FGF14: variants seen among roughly 807,000 people sequenced by gnomAD.
FGF14 encodes the protein fibroblast growth factor 14.
A neutral mutation model predicts 25.5 loss-of-function variants in FGF14; 5 were observed. The ratio of observed to expected loss-of-function variants is 0.20; its 90% CI spans 0.10 to 0.41. The LOEUF (loss-of-function observed/expected upper bound fraction) is 0.41, where lower values mean the gene tolerates loss of function less well. Among genes scored for constraint, FGF14 ranks in the 10% least tolerant of loss-of-function variants. FGF14 has a pLI of 1.00. For synonymous variants in FGF14, 138 were observed against 118.3 expected, an observed-to-expected ratio of 1.17 and a Z score of -1.08; for missense variants, 222 against 320.1, an observed-to-expected ratio of 0.69 and a Z score of 2.34.
At chr13:101,757,167 G>A (rs1005378074) in intron 3 of FGF14, among the ~76,000 whole-genome samples, 2 of 152,140 alleles carry the variant, frequency 1.3e-5, no homozygotes, top group African/African-American at 4.8e-5. Flanking sequence ...TAATTACTAT[G>A]TGAACATTTG....
At chr13:102,147,674 C>T (rs1309876238) in intron 1 of FGF14, among the ~76,000 whole-genome samples, 3 of 152,128 alleles carry the variant, frequency 2.0e-5, no homozygotes, top group Non-Finnish European at 4.4e-5. Context: ...TATTTCAGCA[C>T]AGAAGCCCAG....
At chr13:102,323,893 T>C (rs1278482279) in intron 1 of FGF14, among the ~76,000 whole-genome samples, 1 of 151,808 alleles carries the variant, frequency 6.6e-6, no homozygotes, top group East Asian at 1.9e-4. Flanking sequence ...CATTAAGCCT[T>C]CAAACCACTG....
intron 1 of FGF14, among the ~76,000 whole-genome samples, chr13:101,940,382 G>A: frequency 6.6e-6 from 1 of 152,220 alleles, no homozygotes; most frequent in South Asian, 2.1e-4. Context: ...AGTGGGAGAT[G>A]AATGAGAAAA....
At chr13:102,085,969 A>T (rs2043875752) in intron 1 of FGF14, among the ~76,000 whole-genome samples, 1 of 152,182 alleles carries the variant, frequency 6.6e-6, no homozygotes, top group South Asian at 2.1e-4. Flanking sequence ...TAGCTGTATT[A>T]AATTGTAGCT....
intron 1 of FGF14, among the ~76,000 whole-genome samples, chr13:102,266,528 G>A (rs1348002605): frequency 6.6e-6 from 1 of 152,022 alleles, no homozygotes; most frequent in Non-Finnish European, 1.5e-5. Flanking sequence ...AAGAAGCAAA[G>A]ATCAGATAAA....
chr13:102,388,291 T>C (rs2058352765), intron 1 of FGF14, among the ~76,000 whole-genome samples: 1 of 152,170 alleles, frequency 6.6e-6, no homozygotes, highest in East Asian at 1.9e-4. Flanking sequence ...TGACTCCAAA[T>C]TGCATAAGAA....
At chr13:102,240,794 G>C (rs2051560081) in intron 1 of FGF14, among the ~76,000 whole-genome samples, 1 of 152,028 alleles carries the variant, frequency 6.6e-6, no homozygotes, top group South Asian at 2.1e-4. Flanking sequence ...AAGGATTGAA[G>C]ATGCAAACTT....
At chr13:102,131,358 A>C (rs768093432) in intron 1 of FGF14, among the ~76,000 whole-genome samples, 13 of 152,230 alleles carry the variant, frequency 8.5e-5, no homozygotes, top group Non-Finnish European at 1.9e-4. Context: ...TAAAGAAACC[A>C]CAGCAGCTCT....
chr13:102,177,646 T>C (rs546010374), intron 1 of FGF14, among the ~76,000 whole-genome samples: 1 of 152,204 alleles, frequency 6.6e-6, no homozygotes, highest in East Asian at 1.9e-4. Flanking sequence ...AGAAAAATAA[T>C]GCAAAACTCT....
At chr13:101,799,106 A>G (rs2040723365) in intron 3 of FGF14, among the ~76,000 whole-genome samples, 3 of 152,166 alleles carry the variant, frequency 2.0e-5, no homozygotes, top group African/African-American at 4.8e-5. Context: ...TTTATGCAAC[A>G]TGAGTGTACA....
At chr13:102,220,176 G>A (rs991965527) in intron 1 of FGF14, among the ~76,000 whole-genome samples, 6 of 152,044 alleles carry the variant, frequency 3.9e-5, no homozygotes, top group East Asian at 1.9e-4. Context: ...CTGCTCATAC[G>A]TCCCAACCCT....
At chr13:101,819,259 G>A (rs2041994944) in intron 3 of FGF14, among the ~76,000 whole-genome samples, 1 of 152,110 alleles carries the variant, frequency 6.6e-6, no homozygotes, top group Non-Finnish European at 1.5e-5. Flanking sequence ...AGGGCAGCAA[G>A]AAAAGAAGGG....
chr13:102,129,643 AT>A (rs2046101888), intron 1 of FGF14, among the ~76,000 whole-genome samples: 1 of 151,930 alleles, frequency 6.6e-6, no homozygotes. Flanking sequence ...ATTCTTACTG[AT>A]AATGCACACA....
At chr13:102,018,623 C>CT (rs2040471361) in intron 1 of FGF14, among the ~76,000 whole-genome samples, 1 of 151,448 alleles carries the variant, frequency 6.6e-6, no homozygotes, top group Non-Finnish European at 1.5e-5. Flanking sequence ...GCCCTGAGGT[C>CT]TCTTCTTCTT....
chr13:101,868,997 T>G (rs1177921168), intron 2 of FGF14, among the ~76,000 whole-genome samples, 169 bp from the exon 3 acceptor site: 1 of 152,212 alleles, frequency 6.6e-6, no homozygotes, highest in Non-Finnish European at 1.5e-5. Flanking sequence ...GTTTCTGCTA[T>G]GGGTAAAATG....
chr13:101,928,422 G>C (rs2034520921), intron 1 of FGF14, among the ~76,000 whole-genome samples: 1 of 151,332 alleles, frequency 6.6e-6, no homozygotes. Flanking sequence ...GTGTGTGTGT[G>C]TAGTTTTTGC....
intron 1 of FGF14, among the ~76,000 whole-genome samples, chr13:101,963,467 CTA>C (rs542079167): frequency 4.6e-4 from 70 of 152,238 alleles, no homozygotes; most frequent in South Asian, 1.2e-3. Context: ...TTTTTTCCCC[CTA>C]TGTCACAAAC....
chr13:102,058,556 G>T (rs1010372090), intron 1 of FGF14, among the ~76,000 whole-genome samples: 40 of 152,110 alleles, frequency 2.6e-4, no homozygotes, highest in Non-Finnish European at 5.1e-4. Flanking sequence ...TATTTGCATT[G>T]TAGAGAGTAG....
chr13:102,022,218 T>C (rs1268842220), intron 1 of FGF14, among the ~76,000 whole-genome samples: 1 of 152,038 alleles, frequency 6.6e-6, no homozygotes, highest in Non-Finnish European at 1.5e-5. Flanking sequence ...TTAAAGGACA[T>C]AGCCAGTTGC....
Sources: allele counts gnomAD v4.1 joint callset (sites outside exome capture counted in the v4.1 genomes callset), GRCh38; gene constraint gnomAD v4.1.1; transcripts MANE v1.5; gene names NCBI Gene and HGNC (gene_info 2026-07-23, HGNC 2026-07-21).